CRHR1: variants seen among roughly 807,000 people sequenced by gnomAD.
CRHR1 encodes the protein corticotropin releasing hormone receptor 1.
Under a neutral mutation model 56.0 loss-of-function variants are expected in CRHR1, and 28 were observed. The observed-to-expected ratio is 0.50, with a 90% CI of 0.37 to 0.69. The LOEUF is 0.69. Ranked by LOEUF, CRHR1 falls within the 30% of genes least tolerant of loss-of-function variation. The pLI is 0.00. For missense variants in CRHR1, 376 were observed against 548.0 expected (o/e 0.69, Z 3.13); for synonymous variants, 195 against 216.5 (o/e 0.90, Z 0.87).
At chr17:45,818,074 G>C (rs1312452145) in intron 3 of CRHR1, among the ~76,000 whole-genome samples, 3 of 152,204 alleles carry the variant, frequency 2.0e-5, no homozygotes, top group Non-Finnish European at 4.4e-5. Flanking sequence ...CATCAGAGGA[G>C]CTTCCAGGAG....
chr17:45,815,684 A>G (rs2061912792), intron 2 of CRHR1, among the ~76,000 whole-genome samples: 1 of 152,252 alleles, frequency 6.6e-6, no homozygotes, highest in East Asian at 1.9e-4. Context: ...TTATAGATGA[A>G]GACAAGACAC....
intron 1 of CRHR1, among the ~76,000 whole-genome samples, chr17:45,805,157 C>T (rs775900411): frequency 6.6e-5 from 10 of 152,128 alleles, no homozygotes; most frequent in Non-Finnish European, 1.0e-4. Context: ...TTGCCCCAAG[C>T]TCCAACATGG....
chr17:45,785,526 A>T (rs1283588771), intron 1 of CRHR1, among the ~76,000 whole-genome samples: 1 of 152,208 alleles, frequency 6.6e-6, no homozygotes. Flanking sequence ...CAGTCTGGGC[A>T]TCGCCTCACC....
intron 4 of CRHR1, among the ~76,000 whole-genome samples, chr17:45,824,703 C>T (rs1158045747): frequency 3.3e-5 from 5 of 152,182 alleles, no homozygotes; most frequent in African/African-American, 9.7e-5. Flanking sequence ...TGGGTTTCAA[C>T]GGGAACCTGC....
chr17:45,833,284 G>GAA, intron 9 of CRHR1, 74 bp downstream of exon 9: 1 of 1,554,686 alleles, frequency 6.4e-7, no homozygotes, highest in South Asian at 1.1e-5. Flanking sequence ...GGACAGAAAG[G>GAA]ACTCCTCTAC....
At chr17:45,820,769 G>A (rs1201008640) in intron 3 of CRHR1, among the ~76,000 whole-genome samples, 1 of 152,096 alleles carries the variant, frequency 6.6e-6, no homozygotes, top group Non-Finnish European at 1.5e-5. Context: ...GCCACCATGG[G>A]ACCTTCCCCA....
At position 45,794,097 on chromosome 17, in the gene CRHR1, T is replaced by G. The variant is rs575179948; in HGVS notation, c.33+9520T>G. On this transcript the variant is annotated intron_variant, in intron 1 of 12. Coordinates refer to ENST00000314537, the MANE Select transcript of CRHR1 (RefSeq NM_004382.5). ...GCCAAAGCAGGGCTCTCAAACCAGC[T>G]GTGGGGAAGGACCACATGGATTTTT... Among the ~76,000 whole-genome samples, 19 of 152,316 alleles carry G rather than the reference T, an allele frequency of 1.2e-4. No individual in the cohort carries two copies. The South Asian group carries it at 3.9e-3, about 32-fold the overall frequency.
In CRHR1 at chr17:45,802,931, C is replaced by T. The variant is rs145100899; in HGVS notation, c.34-4079C>T. On this transcript the variant is annotated intron_variant, in intron 1 of 12. Transcript: ENST00000314537. ...GTCTTGGGTCCTAAGTGCTTTGTGC[C>T]GAGGTGGTTTTCGTGCACTTAGGCT... 2.0e-3 allele frequency among the ~76,000 whole-genome samples: 301 copies of T among 152,202 alleles called. 2 individuals are homozygous for T. The highest frequency in any genetic ancestry group is 6.5e-3 in the African/African-American group (270 of 41,492).
rs2061300644 is a variant in CRHR1, at chr17:45,784,759, AGG to A, written c.33+186_33+187del. ...CCTTTGGAGCCAGGGTTGGGTAGGC[AGG>A]GGGAGACTCAGGTGAGAAAAGAAAT... is the stretch of plus-strand genomic sequence containing the variant. On this transcript the variant is annotated intron_variant, in intron 1 of 12. Coordinates refer to ENST00000314537, the MANE Select transcript of CRHR1 (RefSeq NM_004382.5). The surrounding 1 kb of genome is among the most constrained non-coding windows in gnomAD (Gnocchi z 4.2). Among the ~76,000 whole-genome samples, 1 of 152,100 alleles carries A rather than the reference AGG, an allele frequency of 6.6e-6. No individual in the cohort carries two copies. Among genetic ancestry groups the A allele is most frequent in the Admixed American group, 6.5e-5 (1 of 15,284 alleles).
chr17:45,787,554 T>G (rs2061357759), intron 1 of CRHR1, among the ~76,000 whole-genome samples: 2 of 152,210 alleles, frequency 1.3e-5, no homozygotes, highest in Admixed American at 6.5e-5. Context: ...GGCTACTGTA[T>G]AATTCATTTA....
At chr17:45,828,834 C>A (rs1390090137) in intron 4 of CRHR1, among the ~76,000 whole-genome samples, 1 of 152,186 alleles carries the variant, frequency 6.6e-6, no homozygotes, top group Non-Finnish European at 1.5e-5. Context: ...GGTGTCTCTG[C>A]AGCTGAGAGG....
rs903122320 is a variant in CRHR1 at position 45,835,069 on chromosome 17, G to A, written c.*305G>A. 2 of 422,656 alleles carry A rather than the reference G, an allele frequency of 4.7e-6. No individual in the cohort carries two copies. The highest frequency in any genetic ancestry group is 8.5e-6 in the Non-Finnish European group (2 of 234,362). The allele number at this position is 422,656 out of a possible 1,614,324, so 26.2% of individuals were successfully genotyped here. A position where few individuals can be genotyped will look rare whatever the true frequency, so the allele number is the denominator to read the frequency against. On this transcript the variant is annotated 3_prime_UTR_variant, in exon 13 of 13. Transcript: ENST00000314537. ...GGGCGCTGGACACCTACAGCAGCACGCATGTCCCTCCAAGGCTGTCTTCTC... is the reference window on the plus strand; with the variant it reads ...GGGCGCTGGACACCTACAGCAGCACACATGTCCCTCCAAGGCTGTCTTCTC...
At position 45,834,809 on chromosome 17, in the gene CRHR1, G is replaced by GA; in HGVS notation, c.*46dup. On this transcript the variant is annotated 3_prime_UTR_variant, in exon 13 of 13. Coordinates refer to ENST00000314537, the MANE Select transcript of CRHR1 (RefSeq NM_004382.5). ...GCCCCCAAAGAGCTGTGGCTGGGGG[G>GA]ATGACGGCCAGGCTCCCTGACCACC... The GA allele has an allele frequency of 6.2e-7, 1 of 1,610,618 alleles. No homozygotes were observed. The highest frequency in any genetic ancestry group is 8.5e-7 in the Non-Finnish European group (1 of 1,178,568).
At position 45,784,323 on chromosome 17, in the gene CRHR1, A is replaced by C; in HGVS notation, c.-222A>C. On this transcript the variant is annotated 5_prime_UTR_variant, in exon 1 of 13. Coordinates refer to ENST00000314537, the MANE Select transcript of CRHR1 (RefSeq NM_004382.5). The surrounding 1 kb of genome is among the most constrained non-coding windows in gnomAD (Gnocchi z 4.2). ...CGGCCGCGGGCCGGGCTGCGTCGGG[A>C]AACGGCGGCCAGACTTCCCCGGGAA... 1 of 272,152 alleles carries C rather than the reference A, an allele frequency of 3.7e-6. No individual in the cohort carries two copies. Among genetic ancestry groups the C allele is most frequent in the Non-Finnish European group, 6.8e-6 (1 of 147,844 alleles). 16.9% of individuals were successfully genotyped at this position (272,152 alleles called of 1,614,324 possible).
intron 1 of CRHR1, among the ~76,000 whole-genome samples, chr17:45,801,033 G>A (rs2061611882): frequency 6.6e-6 from 1 of 152,132 alleles, no homozygotes; most frequent in Non-Finnish European, 1.5e-5. Context: ...GCATTTTCTG[G>A]GTGTGATTAA....
At position 45,833,693 on chromosome 17, in the gene CRHR1, TCCCCACC is replaced by T; in HGVS notation, c.930-19_930-13del. On this transcript the variant is annotated splice_polypyrimidine_tract_variant and intron_variant, in intron 10 of 12. Transcript: ENST00000314537. Reference sequence around the variant, plus strand: ...CTGGGGTGGGCTGTGACTCCGAGCCTCCCCACCCGCCCCACCCCAGGAAGGCTGTGAA... The same window carrying T: ...CTGGGGTGGGCTGTGACTCCGAGCCTCGCCCCACCCCAGGAAGGCTGTGAA... The T allele has an allele frequency of 3.2e-6, 5 of 1,571,598 alleles. No individual in the cohort carries two copies. The highest frequency in any genetic ancestry group is 1.4e-5 in the African/African-American group (1 of 73,512).
chr17:45,808,370 C>T (rs1225463355), intron 2 of CRHR1, among the ~76,000 whole-genome samples: 1 of 152,162 alleles, frequency 6.6e-6, no homozygotes, highest in Non-Finnish European at 1.5e-5. Flanking sequence ...GAGGAACAAG[C>T]CCTGGACTTG....
chr17:45,816,598 A>T lies in CRHR1; in HGVS notation c.241+16A>T. The T allele has an allele frequency of 6.2e-7, 1 of 1,613,728 alleles. No homozygotes were observed. The highest frequency in any genetic ancestry group is 1.3e-5 in the African/African-American group (1 of 74,998). Reference sequence around the variant, plus strand: ...AATACCACAAGTAAGGAAGAAGTGGAGGGTGGACCATCTGCTGGGAGGTGG... The same window carrying T: ...AATACCACAAGTAAGGAAGAAGTGGTGGGTGGACCATCTGCTGGGAGGTGG... On this transcript the variant is annotated intron_variant, in intron 3 of 12. Coordinates refer to ENST00000314537, the MANE Select transcript of CRHR1 (RefSeq NM_004382.5).
chr17:45,820,317 C>T (rs527732513), intron 3 of CRHR1, among the ~76,000 whole-genome samples: 1 of 152,290 alleles, frequency 6.6e-6, no homozygotes, highest in Admixed American at 6.5e-5. Context: ...GTGGGGCAAC[C>T]TCTGCCAGCA....
Sources: gnomAD v4.1 joint callset for allele counts (sites outside exome capture counted in the v4.1 genomes callset) on GRCh38, gnomAD v4.1.1 for gene constraint, Gnocchi (gnomAD v3.1) non-coding constraint, MANE v1.5 for transcripts, NCBI Gene and HGNC (gene_info 2026-07-23, HGNC 2026-07-21) for gene names.